JAK1: variants seen among roughly 807,000 people sequenced by gnomAD.
JAK1 encodes tyrosine-protein kinase JAK1.
JAK1 carries 16 observed loss-of-function variants against 136.6 expected under a neutral mutation model. That is an observed-to-expected ratio of 0.12 (90% confidence interval 0.08 to 0.18). The LOEUF (loss-of-function observed/expected upper bound fraction) is 0.18. Ranked by LOEUF, JAK1 falls within the 10% of genes least tolerant of loss-of-function variation. JAK1 has a pLI of 1.00. For missense variants in JAK1, 859 were observed against 1,450.1 expected (o/e 0.59, Z 6.62); for synonymous variants, 492 against 519.5 (o/e 0.95, Z 0.72).
At chr1:65,010,132 T>G (rs1646836444) in intron 2 of JAK1, among the ~76,000 whole-genome samples, 1 of 152,188 alleles carries the variant, frequency 6.6e-6, no homozygotes, top group Non-Finnish European at 1.5e-5. Context: ...TTTTTGGCAC[T>G]CCCTTTAAGA....
intron 1 of JAK1, among the ~76,000 whole-genome samples, chr1:64,930,514 G>C (rs1386841196): frequency 6.6e-6 from 1 of 152,172 alleles, no homozygotes; most frequent in Admixed American, 6.5e-5. Context: ...ATGCTGGAAA[G>C]GATGTGAGAA....
chr1:64,843,242 G>T (rs756079204), intron 17 of JAK1, among the ~76,000 whole-genome samples: 1 of 152,060 alleles, frequency 6.6e-6, no homozygotes, highest in South Asian at 2.1e-4. Context: ...CCAGGCTCCC[G>T]ACACAGCACT....
intron 2 of JAK1, among the ~76,000 whole-genome samples, chr1:65,015,394 T>G (rs1391701236): frequency 2.0e-5 from 3 of 151,956 alleles, no homozygotes; most frequent in Non-Finnish European, 4.4e-5. Flanking sequence ...ACTTAATAGG[T>G]GATATATACA....
intron 1 of JAK1, among the ~76,000 whole-genome samples, chr1:64,920,271 G>C (rs1645471855): frequency 6.6e-6 from 1 of 152,192 alleles, no homozygotes; most frequent in Non-Finnish European, 1.5e-5. Flanking sequence ...GACAAGTGTG[G>C]TGGCACATGT....
chr1:64,892,242 C>T (rs549120633), intron 1 of JAK1, among the ~76,000 whole-genome samples: 169 of 151,228 alleles, frequency 1.1e-3, no homozygotes, highest in Non-Finnish European at 1.9e-3. Context: ...CAAAACATGG[C>T]GGGGTGGGGA....
rs372811430 is a variant in JAK1, at chr1:65,004,835, T to G, written c.-78+39645A>C. On this transcript the variant is annotated intron_variant, in intron 2 of 25. Coordinates refer to the JAK1 transcript ENST00000671954. ...GAAGACCAAATTGTGAAATGTCTCA[T>G]TTCAGCCAAATACCTTCTGAAATGG... 1.1e-4 allele frequency among the ~76,000 whole-genome samples: 16 copies of G among 152,336 alleles called. No homozygotes were observed. The East Asian group carries it at 1.9e-3, about 18-fold the overall frequency.
At chr1:64,835,064 A>G (rs918782691) in intron 24 of JAK1, among the ~76,000 whole-genome samples, 1 of 151,202 alleles carries the variant, frequency 6.6e-6, no homozygotes, top group African/African-American at 2.4e-5. Flanking sequence ...ATAAATGCTA[A>G]TAAGTGGGAT....
At chr1:64,964,012 T>C (rs1646330982) in intron 1 of JAK1, among the ~76,000 whole-genome samples, 1 of 152,158 alleles carries the variant, frequency 6.6e-6, no homozygotes, top group Non-Finnish European at 1.5e-5. Context: ...ATCATACCCT[T>C]ACTAGTCTAA....
chr1:64,905,048 C>A lies in JAK1; in HGVS notation c.-77-18707G>T, dbSNP rs903261654. 9.2e-5 allele frequency among the ~76,000 whole-genome samples: 14 copies of A among 152,110 alleles called. No individual in the cohort carries two copies. In the East Asian group the frequency reaches 2.5e-3, roughly 27 times the overall value. The stretch of plus-strand genomic sequence containing the variant: ...TGGTCACCTAGGGAACAGTGGAGGC[C>A]CCTTTCCTCAACTCCCTCCCAAATG... On this transcript the variant is annotated intron_variant, in intron 1 of 24. Coordinates refer to ENST00000342505, the MANE Select transcript of JAK1 (RefSeq NM_002227.4).
intron 2 of JAK1, among the ~76,000 whole-genome samples, chr1:65,033,803 T>G (rs1013830342): frequency 2.0e-5 from 3 of 151,744 alleles, no homozygotes; most frequent in Non-Finnish European, 2.9e-5. Context: ...GAGTAAGAGC[T>G]TTAGAATCCA....
At chr1:65,013,393 C>T (rs1646866222) in intron 2 of JAK1, among the ~76,000 whole-genome samples, 1 of 143,318 alleles carries the variant, frequency 7.0e-6, no homozygotes, top group Non-Finnish European at 1.5e-5. Context: ...AAGACTCTGT[C>T]TAAAAAAAAA....
chr1:64,878,164 G>A (rs946486702), intron 4 of JAK1, among the ~76,000 whole-genome samples: 1 of 152,098 alleles, frequency 6.6e-6, no homozygotes, highest in African/African-American at 2.4e-5. Flanking sequence ...AAGTTAACCT[G>A]CTTTTCAAAA....
intron 1 of JAK1, among the ~76,000 whole-genome samples, chr1:64,892,642 C>G (rs1644956707): frequency 6.6e-6 from 1 of 152,186 alleles, no homozygotes; most frequent in African/African-American, 2.4e-5. Context: ...CTTGTGCCAT[C>G]ACAATAAAAC....
At chr1:64,895,019 C>T (rs541236315) in intron 1 of JAK1, among the ~76,000 whole-genome samples, 3 of 152,268 alleles carry the variant, frequency 2.0e-5, no homozygotes, top group South Asian at 4.1e-4. Context: ...AGAGCAGGAT[C>T]GGCAGGTCAC....
intron 1 of JAK1, among the ~76,000 whole-genome samples, chr1:64,953,146 T>C (rs763037858): frequency 6.6e-6 from 1 of 152,230 alleles, no homozygotes; most frequent in Non-Finnish European, 1.5e-5. Flanking sequence ...TTACCACTTA[T>C]AAAGGTGTAA....
intron 4 of JAK1, among the ~76,000 whole-genome samples, chr1:64,878,776 T>C (rs1644722647): frequency 6.6e-6 from 1 of 152,094 alleles, no homozygotes; most frequent in Non-Finnish European, 1.5e-5. Context: ...AGGACACTAA[T>C]TCTATTCAAA....
intron 11 of JAK1, among the ~76,000 whole-genome samples, chr1:64,854,789 T>C (rs1198834034): frequency 1.3e-5 from 2 of 151,906 alleles, no homozygotes; most frequent in African/African-American, 4.8e-5. Context: ...AAGCTCAGCC[T>C]CACCTGCCCC....
intron 7 of JAK1, among the ~76,000 whole-genome samples, chr1:64,865,617 C>T (rs577162663): frequency 6.6e-6 from 1 of 152,210 alleles, no homozygotes; most frequent in Admixed American, 6.5e-5. Context: ...AAATAGCTTA[C>T]ATCTTCACAG....
intron 2 of JAK1, among the ~76,000 whole-genome samples, chr1:65,012,020 G>A (rs1045192359): frequency 1.8e-4 from 28 of 152,212 alleles, no homozygotes; most frequent in African/African-American, 6.8e-4. Context: ...CCCAGTTTGG[G>A]CGCCTGTTAG....
Sources: allele counts gnomAD v4.1 joint callset (sites outside exome capture counted in the v4.1 genomes callset), GRCh38; gene constraint gnomAD v4.1.1; transcripts MANE v1.5; gene names NCBI Gene and HGNC (gene_info 2026-07-23, HGNC 2026-07-21).